BCAS3: variants seen among roughly 807,000 people sequenced by gnomAD.
BCAS3 encodes BCAS4/BCAS3 fusion.
In BCAS3, 53 loss-of-function variants were observed where a neutral mutation model predicts 116.1. That is an observed-to-expected ratio of 0.46 (90% CI 0.37 to 0.57). BCAS3 has a LOEUF of 0.57. Among genes scored for constraint, BCAS3 ranks in the 20% least tolerant of loss-of-function variants. BCAS3 has a pLI of 0.00. For synonymous variants in BCAS3, 391 were observed against 408.2 expected, an observed-to-expected ratio of 0.96 and a Z score of 0.51; for missense variants, 917 against 1,165.4, an observed-to-expected ratio of 0.79 and a Z score of 3.10.
At position 61,034,881 on chromosome 17, in the gene BCAS3, C is replaced by T. The variant is rs2066898427; in HGVS notation, c.1762+91C>T. 7 of 1,302,564 alleles carry T rather than the reference C, an allele frequency of 5.4e-6. No individual in the cohort carries two copies. Among genetic ancestry groups the T allele is most frequent in the Non-Finnish European group, 7.4e-6 (7 of 951,566 alleles). 80.7% of individuals were successfully genotyped at this position (1,302,564 alleles called of 1,614,324 possible). A position where few individuals can be genotyped will look rare whatever the true frequency, so the allele number is the denominator to read the frequency against. On this transcript the variant is annotated intron_variant, in intron 17 of 23. Coordinates refer to ENST00000407086, the MANE Select transcript of BCAS3 (RefSeq NM_017679.5). This position sits in a 1 kb window ranked among gnomAD's most constrained non-coding sequence, Gnocchi z 5.0. ...GCAGTTTCCCTAGAATAATCTTGTACCCAGTAGTCTGGAAACCAATTTTTT... is the reference window on the plus strand; with the variant it reads ...GCAGTTTCCCTAGAATAATCTTGTATCCAGTAGTCTGGAAACCAATTTTTT...
intron 19 of BCAS3, among the ~76,000 whole-genome samples, chr17:61,043,728 C>T (rs2067742486): frequency 6.6e-6 from 1 of 151,968 alleles, no homozygotes; most frequent in African/African-American, 2.4e-5. Context: ...CTGCCTTGCA[C>T]CCTGAGCTGC....
rs1231106278 is a variant in BCAS3 at position 61,008,436 on chromosome 17, A to C, written c.1487-7315A>C. Among the ~76,000 whole-genome samples the C allele has an allele frequency of 6.6e-6, 1 of 152,012 alleles. No individual in the cohort carries two copies. Among genetic ancestry groups the C allele is most frequent in the East Asian group, 1.9e-4 (1 of 5,182 alleles). The stretch of plus-strand genomic sequence containing the variant: ...TTGAGAGTTTGGTTGAAAAAACTTT[A>C]ATGTTAAATTGGATGGCAAGCAAGA... On this transcript the variant is annotated intron_variant, in intron 15 of 23. Transcript: ENST00000407086. This position sits in a 1 kb window ranked among gnomAD's most constrained non-coding sequence, Gnocchi z 4.6.
At chr17:61,191,961 G>A (rs2080158756) in intron 22 of BCAS3, among the ~76,000 whole-genome samples, 2 of 151,536 alleles carry the variant, frequency 1.3e-5, no homozygotes, top group Admixed American at 1.3e-4. Flanking sequence ...ATACAGTTTA[G>A]AGTCCGGGCA....
chr17:61,358,887 C>T (rs1568934154), intron 22 of BCAS3, among the ~76,000 whole-genome samples: 5 of 152,200 alleles, frequency 3.3e-5, no homozygotes, highest in East Asian at 1.9e-4. Flanking sequence ...TCCGTTCTTA[C>T]GCGTGTTGAG....
rs572144364 is a variant in BCAS3, at chr17:61,060,874, A to G, written c.2030-14046A>G. Reference sequence around the variant, plus strand: ...TCACAACTCCCCACCATTACGTAAAACAGGTGAGGCAGGGACAGTGATTTG... The same window carrying G: ...TCACAACTCCCCACCATTACGTAAAGCAGGTGAGGCAGGGACAGTGATTTG... On this transcript the variant is annotated intron_variant, in intron 19 of 23. Transcript: ENST00000407086. 5.3e-5 allele frequency among the ~76,000 whole-genome samples: 8 copies of G among 152,278 alleles called. No homozygotes were observed. The South Asian group carries it at 1.0e-3, about 20-fold the overall frequency.
At chr17:60,776,944 G>A (rs946486260) in intron 6 of BCAS3, among the ~76,000 whole-genome samples, 34 of 151,122 alleles carry the variant, frequency 2.2e-4, no homozygotes, top group African/African-American at 8.3e-4. Context: ...GAACCCAGGA[G>A]GCGGAGGTTG....
Position 61,128,714 on chromosome 17 carries a change from C to T in BCAS3, c.2425+44150C>T. ...GAAACCAGCATATTGGCAGTCGTCT[C>T]ACAACATGATTTTGCATTTACATCA... On this transcript the variant is annotated intron_variant, in intron 22 of 23. Transcript: ENST00000407086. This position sits in a 1 kb window ranked among gnomAD's most constrained non-coding sequence, Gnocchi z 4.1. The T allele has an allele frequency of 3.2e-6, 2 of 625,368 alleles. No homozygotes were observed. The highest frequency in any genetic ancestry group is 2.0e-6 in the Non-Finnish European group (1 of 501,578). The allele number at this position is 625,368 out of a possible 1,614,324, so 38.7% of individuals were successfully genotyped here.
intron 22 of BCAS3, among the ~76,000 whole-genome samples, chr17:61,121,156 A>C (rs2075769686): frequency 6.6e-6 from 1 of 152,110 alleles, no homozygotes; most frequent in South Asian, 2.1e-4. Context: ...CAGCATACAG[A>C]GTTGCAATTT....
intron 6 of BCAS3, among the ~76,000 whole-genome samples, chr17:60,792,476 G>A (rs1260049178): frequency 6.6e-6 from 1 of 152,346 alleles, no homozygotes; most frequent in African/African-American, 2.4e-5. Context: ...AGCCTGCCAG[G>A]CTGAGTGGGC....
chr17:61,206,120 C>G (rs1244892470), intron 22 of BCAS3, among the ~76,000 whole-genome samples: 2 of 152,090 alleles, frequency 1.3e-5, no homozygotes, highest in African/African-American at 2.4e-5. Context: ...TGTATAGGCC[C>G]CTCTGTTTCT....
At chr17:61,000,403 G>T (rs1943385183) in intron 15 of BCAS3, among the ~76,000 whole-genome samples, 2 of 152,076 alleles carry the variant, frequency 1.3e-5, no homozygotes, top group Admixed American at 1.3e-4. Context: ...TATCTTCCAT[G>T]ATTTCCTAAC....
chr17:61,319,597 C>A (rs2055028511), intron 22 of BCAS3, among the ~76,000 whole-genome samples: 1 of 148,198 alleles, frequency 6.7e-6, no homozygotes, highest in Admixed American at 6.7e-5. Context: ...AGATTAAATT[C>A]AAAAGTTTGC....
intron 15 of BCAS3, among the ~76,000 whole-genome samples, chr17:60,992,508 A>G (rs1409588723): frequency 2.6e-5 from 4 of 152,134 alleles, no homozygotes; most frequent in Non-Finnish European, 4.4e-5. Flanking sequence ...TGGGAATAGT[A>G]GACACTGGGG....
At chr17:60,841,690 T>C (rs1484270159) in intron 7 of BCAS3, among the ~76,000 whole-genome samples, 1 of 151,922 alleles carries the variant, frequency 6.6e-6, no homozygotes, top group African/African-American at 2.4e-5. Flanking sequence ...TATCTTCTCA[T>C]AGTTTCTATG....
rs905962951 is a variant in BCAS3, at chr17:61,181,662, T to C, written c.2425+97098T>C. ...AGTGAAGATATTTTGCTTCTGTTACTCTGATCATCTACATATAGAGATACA... is the reference window on the plus strand; with the variant it reads ...AGTGAAGATATTTTGCTTCTGTTACCCTGATCATCTACATATAGAGATACA... On this transcript the variant is annotated intron_variant, in intron 22 of 23. Transcript: ENST00000407086. The surrounding 1 kb of genome is among the most constrained non-coding windows in gnomAD (Gnocchi z 5.0). 3.3e-5 allele frequency among the ~76,000 whole-genome samples: 5 copies of C among 152,208 alleles called. No individual in the cohort carries two copies. The highest frequency in any genetic ancestry group is 4.8e-5 in the African/African-American group (2 of 41,458).
At chr17:60,800,958 T>A (rs2047720043) in intron 6 of BCAS3, among the ~76,000 whole-genome samples, 1 of 152,142 alleles carries the variant, frequency 6.6e-6, no homozygotes, top group Non-Finnish European at 1.5e-5. Context: ...TAACTCTTAT[T>A]TACTATAGTT....
intron 22 of BCAS3, among the ~76,000 whole-genome samples, chr17:61,176,942 T>C (rs1373569270): frequency 1.3e-5 from 2 of 152,166 alleles, no homozygotes; most frequent in Non-Finnish European, 2.9e-5. Context: ...AAGAAGCATA[T>C]GCAAAAATGT....
intron 5 of BCAS3, among the ~76,000 whole-genome samples, chr17:60,726,046 C>T (rs560297759): frequency 7.9e-5 from 12 of 151,304 alleles, no homozygotes; most frequent in Non-Finnish European, 1.6e-4. Flanking sequence ...CAGGCATGCA[C>T]CACCACACTT....
chr17:61,052,330 A>G (rs1001365545), intron 19 of BCAS3, among the ~76,000 whole-genome samples: 26 of 152,032 alleles, frequency 1.7e-4, no homozygotes, highest in African/African-American at 6.3e-4. Context: ...CATTCAATGT[A>G]TTTTACATTT....
Sources: allele counts gnomAD v4.1 joint callset (sites outside exome capture counted in the v4.1 genomes callset), GRCh38; gene constraint gnomAD v4.1.1; non-coding constraint Gnocchi (gnomAD v3.1); transcripts MANE v1.5; gene names NCBI Gene and HGNC (gene_info 2026-07-23, HGNC 2026-07-21).